The following ARHGAP15 variants were observed in gnomAD, a reference collection of about 807,000 sequenced individuals.
The protein encoded by ARHGAP15 is rho GTPase-activating protein 15.
Under a neutral mutation model 63.7 loss-of-function variants are expected in ARHGAP15, and 51 were observed. The observed-to-expected ratio is 0.80, with a 90% confidence interval of 0.64 to 1.01. ARHGAP15 has a LOEUF of 1.01. ARHGAP15 is among the 50% of genes least tolerant of loss of function. The probability of loss-of-function intolerance (pLI) is 0.00; values close to 1 mark genes in which losing one functional copy is unlikely to be tolerated. For synonymous variants in ARHGAP15, 191 were observed against 193.8 expected (o/e 0.99, Z 0.12); for missense variants, 560 against 564.6 (o/e 0.99, Z 0.08).
chr2:143,376,933 G>A (rs928090338), intron 6 of ARHGAP15, among the ~76,000 whole-genome samples: 2 of 151,960 alleles, frequency 1.3e-5, no homozygotes, highest in Non-Finnish European at 2.9e-5. Flanking sequence ...TATTGGTAAT[G>A]GTAAATACTT....
chr2:143,698,421 A>C (rs1349518612), intron 12 of ARHGAP15, among the ~76,000 whole-genome samples: 1 of 152,190 alleles, frequency 6.6e-6, no homozygotes, highest in Non-Finnish European at 1.5e-5. Context: ...GTGCCCTCAA[A>C]ACTATAAAGC....
At chr2:143,138,623 C>G (rs1175749449) in intron 1 of ARHGAP15, among the ~76,000 whole-genome samples, 1 of 152,090 alleles carries the variant, frequency 6.6e-6, no homozygotes, top group African/African-American at 2.4e-5. Flanking sequence ...TGTCTTTCCT[C>G]TTTCTCTTTT....
At chr2:143,212,224 G>T (rs1574097726) in intron 3 of ARHGAP15, among the ~76,000 whole-genome samples, 1 of 152,214 alleles carries the variant, frequency 6.6e-6, no homozygotes, top group East Asian at 1.9e-4. Context: ...GTTGTCTTCT[G>T]CTCCCCTGTC....
intron 6 of ARHGAP15, among the ~76,000 whole-genome samples, chr2:143,268,958 T>C (rs938331897): frequency 7.2e-5 from 11 of 152,138 alleles, no homozygotes; most frequent in African/African-American, 2.7e-4. Flanking sequence ...TTCCAAAGTG[T>C]TATAAAAATT....
intron 12 of ARHGAP15, among the ~76,000 whole-genome samples, chr2:143,685,374 T>C (rs1045268770): frequency 1.3e-5 from 2 of 152,190 alleles, no homozygotes; most frequent in African/African-American, 4.8e-5. Context: ...GGCTCTCATC[T>C]TGCATTTTCA....
chr2:143,724,050 CAT>C (rs1491155100), intron 13 of ARHGAP15, among the ~76,000 whole-genome samples: 21 of 87,988 alleles, frequency 2.4e-4, no homozygotes, highest in East Asian at 2.3e-3. Flanking sequence ...TATCCACCTT[CAT>C]GTGTGTGTGT....
At chr2:143,440,205 G>A (rs1574453348) in intron 8 of ARHGAP15, among the ~76,000 whole-genome samples, 1 of 152,204 alleles carries the variant, frequency 6.6e-6, no homozygotes, top group South Asian at 2.1e-4. Context: ...ATTTGAAATA[G>A]TGATTGACAT....
intron 11 of ARHGAP15, among the ~76,000 whole-genome samples, chr2:143,563,698 A>G (rs936965806): frequency 2.0e-5 from 3 of 152,250 alleles, no homozygotes; most frequent in African/African-American, 4.8e-5. Context: ...ACAAAATTCC[A>G]TCATGATCAT....
intron 6 of ARHGAP15, among the ~76,000 whole-genome samples, chr2:143,282,836 T>C (rs963038097): frequency 2.0e-5 from 3 of 152,158 alleles, no homozygotes; most frequent in Non-Finnish European, 4.4e-5. Context: ...GTTAGCCCTT[T>C]TCTGGTTAGG....
At chr2:143,385,421 A>T (rs1687238804) in intron 6 of ARHGAP15, among the ~76,000 whole-genome samples, 2 of 152,182 alleles carry the variant, frequency 1.3e-5, no homozygotes, top group African/African-American at 2.4e-5. Flanking sequence ...ACAGAATAAT[A>T]GCTAAACTTA....
chr2:143,423,231 C>T (rs907303530), intron 6 of ARHGAP15, among the ~76,000 whole-genome samples: 1 of 152,070 alleles, frequency 6.6e-6, no homozygotes, highest in Non-Finnish European at 1.5e-5. Context: ...CAATATAGAG[C>T]CAGCTTTAAG....
chr2:143,164,689 G>A (rs1165159786), intron 2 of ARHGAP15, among the ~76,000 whole-genome samples: 1 of 151,634 alleles, frequency 6.6e-6, no homozygotes, highest in African/African-American at 2.4e-5. Context: ...TCTTCCTCTT[G>A]AATTTCCTCC....
chr2:143,313,996 G>T lies in ARHGAP15; in HGVS notation c.474+63396G>T, dbSNP rs114606575. 4.7e-3 allele frequency among the ~76,000 whole-genome samples: 710 copies of T among 149,894 alleles called. 2 individuals carry two copies. Among genetic ancestry groups the T allele is most frequent in the Non-Finnish European group, 7.1e-3 (478 of 67,570 alleles). On this transcript the variant is annotated intron_variant, in intron 6 of 13. Transcript: ENST00000295095. The stretch of plus-strand genomic sequence containing the variant: ...GTTTTGTTTTTTGTTTTTACATTTA[G>T]CCTCCAGCCTCCTTGTAATTTTATT...
chr2:143,225,555 T>C (rs975350911), intron 4 of ARHGAP15, among the ~76,000 whole-genome samples: 1 of 152,144 alleles, frequency 6.6e-6, no homozygotes, highest in Non-Finnish European at 1.5e-5. Context: ...GAGCGGAGAT[T>C]GCGCCACTGC....
chr2:143,216,564 T>C (rs573259455), intron 4 of ARHGAP15, 119 bp downstream of exon 4: 7 of 665,454 alleles, frequency 1.1e-5, no homozygotes, highest in African/African-American at 9.1e-5. Context: ...AACAGTCTCC[T>C]CTGCTACTGC....
At chr2:143,461,657 CAAATT>C (rs1398989900) in intron 8 of ARHGAP15, among the ~76,000 whole-genome samples, 5 of 152,144 alleles carry the variant, frequency 3.3e-5, no homozygotes, top group Admixed American at 6.6e-5. Context: ...TTTAAACAGA[CAAATT>C]AACCATTTTT....
At chr2:143,681,787 G>A (rs1683110081) in intron 12 of ARHGAP15, among the ~76,000 whole-genome samples, 3 of 152,144 alleles carry the variant, frequency 2.0e-5, no homozygotes, top group African/African-American at 7.2e-5. Flanking sequence ...TAGAAATCGA[G>A]GTGTTTTGTC....
intron 6 of ARHGAP15, among the ~76,000 whole-genome samples, chr2:143,406,774 C>T (rs548487947): frequency 6.6e-6 from 1 of 151,926 alleles, no homozygotes; most frequent in East Asian, 1.9e-4. Flanking sequence ...ATTTCTTGAT[C>T]ATATCATAGT....
chr2:143,296,893 C>G (rs1022381100), intron 6 of ARHGAP15, among the ~76,000 whole-genome samples: 1 of 151,894 alleles, frequency 6.6e-6, no homozygotes, highest in Non-Finnish European at 1.5e-5. Context: ...ATTTAGCTCC[C>G]ACTTGTGAGA....
Sources: allele counts gnomAD v4.1 joint callset (sites outside exome capture counted in the v4.1 genomes callset), GRCh38; gene constraint gnomAD v4.1.1; transcripts MANE v1.5; gene names NCBI Gene and HGNC (gene_info 2026-07-23, HGNC 2026-07-21).